The following TMEM132B variants were observed in gnomAD, a reference collection of about 807,000 sequenced individuals.
TMEM132B encodes transmembrane protein 132B.
TMEM132B carries 18 observed loss-of-function variants against 90.8 expected under a neutral mutation model. The observed-to-expected ratio is 0.20, with a 90% CI of 0.14 to 0.29. The LOEUF is 0.29. TMEM132B is among the 10% of genes least tolerant of loss of function. The pLI, the probability that TMEM132B is intolerant of heterozygous loss-of-function variation, is 1.00. For missense variants in TMEM132B, 1,096 were observed against 1,326.8 expected (o/e 0.83, Z 2.70); for synonymous variants, 504 against 523.3 (o/e 0.96, Z 0.50).
intron 5 of TMEM132B, among the ~76,000 whole-genome samples, chr12:125,604,954 G>A (rs187787457): frequency 1.3e-4 from 20 of 152,288 alleles, no homozygotes; most frequent in African/African-American, 4.8e-4. Flanking sequence ...TAGTGCACAA[G>A]GAAAGAAAGT....
At chr12:125,648,789 T>G (rs1382775267) in intron 6 of TMEM132B, among the ~76,000 whole-genome samples, 1 of 152,196 alleles carries the variant, frequency 6.6e-6, no homozygotes, top group African/African-American at 2.4e-5. Flanking sequence ...AACTTCCCAT[T>G]GCTAGCACAA....
intron 1 of TMEM132B, among the ~76,000 whole-genome samples, chr12:125,318,347 T>A (rs1440329669): frequency 6.6e-6 from 1 of 152,018 alleles, no homozygotes; most frequent in Non-Finnish European, 1.5e-5. Context: ...GAGCTTTTAA[T>A]GAATTTATTT....
chr12:125,518,271 T>C (rs1333633263), intron 3 of TMEM132B, among the ~76,000 whole-genome samples: 1 of 152,190 alleles, frequency 6.6e-6, no homozygotes, highest in Non-Finnish European at 1.5e-5. Context: ...CTGTCCGTGG[T>C]AGGAGAGTCC....
At chr12:125,289,455 C>G (rs184447122) in intron 1 of TMEM132B, among the ~76,000 whole-genome samples, 9 of 152,288 alleles carry the variant, frequency 5.9e-5, no homozygotes, top group Admixed American at 1.3e-4. Context: ...ATGATTTGCT[C>G]CAGGTTGCAT....
In TMEM132B at chr12:125,492,648, G is replaced by C. The variant is rs772233676; in HGVS notation, c.1107-26791G>C. 1.1e-4 allele frequency among the ~76,000 whole-genome samples: 17 copies of C among 152,146 alleles called. No homozygotes were observed. The highest frequency in any genetic ancestry group is 4.4e-5 in the Non-Finnish European group (3 of 68,010). Reference sequence around the variant, plus strand: ...TCCCAGCAGGGCAGGCATGGGGTCTGAGAGGGGCAGGAAGGCAGTGGTGGC... The same window carrying C: ...TCCCAGCAGGGCAGGCATGGGGTCTCAGAGGGGCAGGAAGGCAGTGGTGGC... On this transcript the variant is annotated intron_variant, in intron 3 of 8. Transcript: ENST00000682704. The surrounding 1 kb of genome is among the most constrained non-coding windows in gnomAD (Gnocchi z 5.8).
At chr12:125,588,975 T>G (rs558173400) in intron 5 of TMEM132B, among the ~76,000 whole-genome samples, 1 of 152,324 alleles carries the variant, frequency 6.6e-6, no homozygotes, top group South Asian at 2.1e-4. Flanking sequence ...ACATAGTGCT[T>G]GACCTGTAAT....
intron 1 of TMEM132B, among the ~76,000 whole-genome samples, chr12:125,307,053 A>G (rs1875989828): frequency 1.3e-5 from 2 of 152,136 alleles, no homozygotes; most frequent in Admixed American, 1.3e-4. Flanking sequence ...GACCTTTATG[A>G]TGGTGGCCCT....
intron 3 of TMEM132B, among the ~76,000 whole-genome samples, chr12:125,472,531 C>A (rs1881751027): frequency 6.6e-6 from 1 of 152,108 alleles, no homozygotes; most frequent in Non-Finnish European, 1.5e-5. Flanking sequence ...AGTAGAAGGA[C>A]CTGCTGCTCT....
chr12:125,186,770 C>G lies in TMEM132B; in HGVS notation c.-30C>G, dbSNP rs1957762736. 1.3e-5 allele frequency: 2 copies of G among 148,338 alleles called. No homozygotes were observed. The highest frequency in any genetic ancestry group is 4.9e-5 in the African/African-American group (2 of 40,982). 9.2% of individuals were successfully genotyped at this position (148,338 alleles called of 1,614,324 possible). On this transcript the variant is annotated 5_prime_UTR_variant, in exon 1 of 9. Coordinates refer to ENST00000682704, the MANE Select transcript of TMEM132B (RefSeq NM_001366854.1). This position sits in a 1 kb window ranked among gnomAD's most constrained non-coding sequence, Gnocchi z 6.3. Reference sequence around the variant, plus strand: ...GGCCGGGCGCGCGAGAGGAGCAGCCCCGCGCCGCACCCACCGCGCGCCGAG... The same window carrying G: ...GGCCGGGCGCGCGAGAGGAGCAGCCGCGCGCCGCACCCACCGCGCGCCGAG...
intron 4 of TMEM132B, among the ~76,000 whole-genome samples, chr12:125,551,902 G>A (rs1166045079): frequency 2.0e-5 from 3 of 152,132 alleles, no homozygotes; most frequent in Admixed American, 1.3e-4. Flanking sequence ...AGGAGGAGAA[G>A]CAGAAACACA....
intron 3 of TMEM132B, among the ~76,000 whole-genome samples, chr12:125,478,869 G>A (rs9738820): frequency 0.024 from 3,708 of 152,194 alleles, 158 homozygotes; most frequent in African/African-American, 0.084. Context: ...GAGAAAGGTC[G>A]GGTTACCCAT....
chr12:125,220,127 A>G (rs1873525726), intron 1 of TMEM132B, among the ~76,000 whole-genome samples: 1 of 152,244 alleles, frequency 6.6e-6, no homozygotes, highest in African/African-American at 2.4e-5. Flanking sequence ...TATATAATAT[A>G]CAAGCAACTA....
chr12:125,628,270 T>C (rs904902400), intron 5 of TMEM132B, among the ~76,000 whole-genome samples: 2 of 152,094 alleles, frequency 1.3e-5, no homozygotes, highest in African/African-American at 4.8e-5. Flanking sequence ...CTATCAGGAG[T>C]GTACAAGGGT....
chr12:125,557,955 G>T (rs74970049), intron 4 of TMEM132B, among the ~76,000 whole-genome samples: 19 of 152,150 alleles, frequency 1.2e-4, no homozygotes, highest in African/African-American at 4.6e-4. Context: ...CTGATAAAAG[G>T]CCCTCCTGTG....
intron 2 of TMEM132B, among the ~76,000 whole-genome samples, chr12:125,353,038 C>A (rs1321294271): frequency 6.6e-6 from 1 of 152,234 alleles, no homozygotes; most frequent in East Asian, 1.9e-4. Flanking sequence ...TGAAATCCAA[C>A]CCCACAGAGA....
chr12:125,216,711 TG>T (rs1873445421), intron 1 of TMEM132B, among the ~76,000 whole-genome samples: 1 of 152,238 alleles, frequency 6.6e-6, no homozygotes, highest in Non-Finnish European at 1.5e-5. Context: ...GATTAGTTCC[TG>T]AGAAAAGGAG....
intron 1 of TMEM132B, among the ~76,000 whole-genome samples, chr12:125,315,276 G>A (rs1186517425): frequency 2.0e-5 from 3 of 152,160 alleles, no homozygotes; most frequent in Non-Finnish European, 4.4e-5. Flanking sequence ...TCAGCTCACG[G>A]CAACCTCCGT....
At chr12:125,271,367 A>G (rs1874832504) in intron 1 of TMEM132B, among the ~76,000 whole-genome samples, 1 of 152,210 alleles carries the variant, frequency 6.6e-6, no homozygotes. Context: ...TCCATTCATT[A>G]TGATTGATCG....
chr12:125,590,338 T>C (rs961112921), intron 5 of TMEM132B, among the ~76,000 whole-genome samples: 41 of 152,228 alleles, frequency 2.7e-4, no homozygotes, highest in African/African-American at 9.6e-4. Context: ...TTACTAACTA[T>C]TCTTTTCCCA....
Sources: gnomAD v4.1 joint callset for allele counts (sites outside exome capture counted in the v4.1 genomes callset) on GRCh38, gnomAD v4.1.1 for gene constraint, Gnocchi (gnomAD v3.1) non-coding constraint, MANE v1.5 for transcripts, NCBI Gene and HGNC (gene_info 2026-07-23, HGNC 2026-07-21) for gene names.